Variants in CLVS2 observed in about 807,000 individuals in gnomAD.
The protein encoded by CLVS2 is clavesin-2.
Under a neutral mutation model 29.0 loss-of-function variants are expected in CLVS2, and 19 were observed. The ratio of observed to expected loss-of-function variants is 0.66; its 90% CI spans 0.46 to 0.96. The LOEUF (loss-of-function observed/expected upper bound fraction) is 0.96. CLVS2 is among the 40% of genes least tolerant of loss of function. The pLI, the probability that CLVS2 is intolerant of heterozygous loss-of-function variation, is 0.00. For missense variants in CLVS2, 294 were observed against 404.1 expected (o/e 0.73, Z 2.34); for synonymous variants, 161 against 151.3 (o/e 1.06, Z -0.47).
intron 5 of CLVS2, among the ~76,000 whole-genome samples, chr6:123,062,345 C>A (rs1262113141): frequency 6.6e-6 from 1 of 152,046 alleles, no homozygotes; most frequent in Non-Finnish European, 1.5e-5. Context: ...AAAAGTGACA[C>A]AAAATCTCTA....
intron 3 of CLVS2, among the ~76,000 whole-genome samples, chr6:123,019,223 T>C (rs892983922): frequency 6.6e-6 from 1 of 151,946 alleles, no homozygotes; most frequent in African/African-American, 2.4e-5. Flanking sequence ...AAATTGAATA[T>C]AACTTGGTCT....
intron 5 of CLVS2, among the ~76,000 whole-genome samples, chr6:123,061,098 T>C (rs538511255): frequency 6.6e-6 from 1 of 152,292 alleles, no homozygotes; most frequent in Non-Finnish European, 1.5e-5. Flanking sequence ...GTCAGGAGTT[T>C]GAGACCAGCC....
intron 3 of CLVS2, among the ~76,000 whole-genome samples, chr6:123,012,035 T>C (rs1774755524): frequency 1.3e-5 from 2 of 151,984 alleles, no homozygotes; most frequent in Admixed American, 6.6e-5. Context: ...CTCTTAAAAG[T>C]GGGCAACTTT....
chr6:123,009,224 C>G (rs1332818202), intron 2 of CLVS2, among the ~76,000 whole-genome samples: 2 of 151,984 alleles, frequency 1.3e-5, no homozygotes, highest in Admixed American at 1.3e-4. Context: ...ATGAGAATAG[C>G]ATGAGATAGG....
intron 3 of CLVS2, among the ~76,000 whole-genome samples, chr6:123,018,538 A>T (rs1027852202): frequency 2.4e-4 from 36 of 152,038 alleles, no homozygotes; most frequent in Non-Finnish European, 4.7e-4. Context: ...ATATTTAAAA[A>T]TTCTGGTACT....
chr6:123,041,783 T>G (rs2114346806), intron 3 of CLVS2, among the ~76,000 whole-genome samples: 1 of 152,262 alleles, frequency 6.6e-6, no homozygotes, highest in Non-Finnish European at 1.5e-5. Flanking sequence ...ATAGCTGGCA[T>G]TTGGCTGAGG....
intron 2 of CLVS2, among the ~76,000 whole-genome samples, chr6:123,006,903 C>G (rs1222214975): frequency 6.6e-6 from 1 of 152,076 alleles, no homozygotes; most frequent in Non-Finnish European, 1.5e-5. Context: ...CTTATTTCTA[C>G]ATTTGGATGA....
At chr6:123,060,898 G>T (rs1404065184) in intron 5 of CLVS2, among the ~76,000 whole-genome samples, 1 of 152,182 alleles carries the variant, frequency 6.6e-6, no homozygotes, top group Non-Finnish European at 1.5e-5. Context: ...TAAACACTAT[G>T]TATTGTAGAT....
At chr6:123,011,220 T>C in intron 3 of CLVS2, 61 bp downstream of exon 3, 4 of 1,256,552 alleles carry the variant, frequency 3.2e-6, no homozygotes, top group Non-Finnish European at 3.2e-6. Context: ...TTGTCTAATG[T>C]GTTAGAATGA....
At chr6:123,037,686 T>C (rs1477318123) in intron 3 of CLVS2, among the ~76,000 whole-genome samples, 3 of 152,004 alleles carry the variant, frequency 2.0e-5, no homozygotes, top group Admixed American at 1.3e-4. Flanking sequence ...TGGGGGAACC[T>C]GGTATGTGGA....
At chr6:123,013,691 G>T (rs938712657) in intron 3 of CLVS2, among the ~76,000 whole-genome samples, 11 of 151,470 alleles carry the variant, frequency 7.3e-5, no homozygotes, top group Admixed American at 7.2e-4. Flanking sequence ...TTAAGTTTTA[G>T]GGTACATGTG....
At chr6:123,054,718 AG>A (rs1772668894) in intron 4 of CLVS2, among the ~76,000 whole-genome samples, 1 of 152,240 alleles carries the variant, frequency 6.6e-6, no homozygotes, top group South Asian at 2.1e-4. Context: ...ACAGTGTTGT[AG>A]CAGAGAAGGC....
At chr6:123,051,344 G>C (rs559309703) in intron 4 of CLVS2, among the ~76,000 whole-genome samples, 16 of 152,282 alleles carry the variant, frequency 1.1e-4, no homozygotes, top group African/African-American at 3.9e-4. Flanking sequence ...TCCCTCAAAA[G>C]CTCACCAGTA....
At chr6:123,004,179 C>G (rs1046654450) in intron 2 of CLVS2, among the ~76,000 whole-genome samples, 1 of 152,134 alleles carries the variant, frequency 6.6e-6, no homozygotes, top group Non-Finnish European at 1.5e-5. Context: ...GAGTACTTGG[C>G]CCTGATAAAA....
At chr6:123,047,141 G>C (rs78988522) in intron 3 of CLVS2, among the ~76,000 whole-genome samples, 2,246 of 151,956 alleles carry the variant, frequency 0.015, 58 homozygotes, top group African/African-American at 0.051. Context: ...AAACCTGTAA[G>C]GAAACCTCTC....
intron 5 of CLVS2, 41 bp downstream of exon 5, chr6:123,056,067 A>T: frequency 7.4e-7 from 1 of 1,357,564 alleles, no homozygotes; most frequent in Non-Finnish European, 1.0e-6. Context: ...GGGCCAGGGC[A>T]GGGAGAGGCA....
At chr6:123,002,916 T>C (rs1304465348) in intron 2 of CLVS2, among the ~76,000 whole-genome samples, 1 of 152,194 alleles carries the variant, frequency 6.6e-6, no homozygotes, top group African/African-American at 2.4e-5. Context: ...ATGGCAGATA[T>C]GTATTCCATG....
chr6:123,001,398 T>A (rs1358753746), intron 2 of CLVS2, among the ~76,000 whole-genome samples: 1 of 151,742 alleles, frequency 6.6e-6, no homozygotes, highest in Non-Finnish European at 1.5e-5. Context: ...TTCTAACAAA[T>A]CTAAAAAAAA....
At chr6:123,053,718 C>T (rs1278029713) in intron 4 of CLVS2, among the ~76,000 whole-genome samples, 8 of 151,852 alleles carry the variant, frequency 5.3e-5, no homozygotes, top group Non-Finnish European at 1.2e-4. Flanking sequence ...GAAGTAGGGC[C>T]GAGAGAGGTT....
Sources: allele counts gnomAD v4.1 joint callset (sites outside exome capture counted in the v4.1 genomes callset), GRCh38; gene constraint gnomAD v4.1.1; transcripts MANE v1.5; gene names NCBI Gene and HGNC (gene_info 2026-07-23, HGNC 2026-07-21).